ADGRG2: variants seen among roughly 807,000 people sequenced by gnomAD.
The protein encoded by ADGRG2 is adhesion G protein-coupled receptor G2.
A neutral mutation model predicts 74.1 loss-of-function variants in ADGRG2; 26 were observed. That is an observed-to-expected ratio of 0.35 (90% CI 0.26 to 0.49). The LOEUF (loss-of-function observed/expected upper bound fraction) is 0.49, where lower values mean the gene tolerates loss of function less well. Among genes scored for constraint, ADGRG2 ranks in the 20% least tolerant of loss-of-function variants. The pLI is 0.99. For synonymous variants in ADGRG2, 296 were observed against 295.2 expected (o/e 1.00, Z -0.03); for missense variants, 619 against 763.1 (o/e 0.81, Z 2.22).
chrX:18,998,938 C>T, intron 26 of ADGRG2, 58 bp downstream of exon 26: 1 of 976,014 alleles, frequency 1.0e-6, no homozygotes, highest in Non-Finnish European at 1.4e-6. Flanking sequence ...CTTTTAGTAG[C>T]TACATTTTTA....
intron 28 of ADGRG2, 64 bp from the exon 29 acceptor site, chrX:18,991,112 A>AACTT: frequency 3.4e-6 from 2 of 580,603 alleles, no homozygotes; most frequent in Non-Finnish European, 5.3e-6. Flanking sequence ...AAAGCAAACA[A>AACTT]ACTTAGACAT....
chrX:19,064,319 G>A (rs926148088), intron 3 of ADGRG2, among the ~76,000 whole-genome samples: 5 of 112,685 alleles, frequency 4.4e-5, no homozygotes, highest in African/African-American at 6.4e-5. Context: ...GCCCTATAGC[G>A]CTGACTCATA....
intron 3 of ADGRG2, among the ~76,000 whole-genome samples, chrX:19,047,948 T>C (rs2061228360): frequency 9.0e-6 from 1 of 111,707 alleles, no homozygotes. Context: ...TGATTAATAA[T>C]GACATCATTA....
chrX:19,023,030 T>C (rs2060626128), intron 13 of ADGRG2, among the ~76,000 whole-genome samples: 1 of 111,582 alleles, frequency 9.0e-6, no homozygotes, highest in Non-Finnish European at 1.9e-5. Context: ...ATCTTTTCCT[T>C]CCCCCTCTTT....
At chrX:19,050,573 CA>C (rs1463923488) in intron 3 of ADGRG2, among the ~76,000 whole-genome samples, 3 of 111,533 alleles carry the variant, frequency 2.7e-5, no homozygotes, top group Non-Finnish European at 5.6e-5. Context: ...CCTGGCTGCA[CA>C]TTAATATCAC....
At chrX:19,039,333 G>T (rs1334656168) in intron 4 of ADGRG2, 10 of 329,685 alleles carry the variant, frequency 3.0e-5, no homozygotes, top group Non-Finnish European at 5.9e-5. Context: ...ACGAGGAGAT[G>T]TCTGAAGGCT....
At chrX:19,098,554 T>C (rs1401193379) in intron 1 of ADGRG2, among the ~76,000 whole-genome samples, 7 of 108,745 alleles carry the variant, frequency 6.4e-5, no homozygotes, top group African/African-American at 2.3e-4. Context: ...TTTTGTAGGA[T>C]TTTTTTTTTA....
rs771272988 is a variant in ADGRG2, at chrX:19,010,091, G to A, written c.1266-309C>T. 9.2e-4 allele frequency among the ~76,000 whole-genome samples: 100 copies of A among 109,015 alleles called. 1 individual carries two copies. The highest frequency in any genetic ancestry group is 3.2e-3 in the African/African-American group (95 of 30,034). 94.7% of individuals were successfully genotyped at this position (109,015 alleles called of 115,157 possible). A position where few individuals can be genotyped will look rare whatever the true frequency, so the allele number is the denominator to read the frequency against. ...CCCAAAATGTTGGGATTACAGGCGT[G>A]AGCCATCGCGCCCAGCCTTGTTTTT... is the stretch of plus-strand genomic sequence containing the variant. On this transcript the variant is annotated intron_variant, in intron 17 of 28. Coordinates refer to ENST00000379869, the MANE Select transcript of ADGRG2 (RefSeq NM_001079858.3).
chrX:19,055,240 TTG>T (rs35438679), intron 3 of ADGRG2, among the ~76,000 whole-genome samples: 29,132 of 103,029 alleles, frequency 0.28, 3,269 homozygotes, highest in East Asian at 0.4. Context: ...GCAAATCCCT[TTG>T]TGTGTGTGTG....
intron 2 of ADGRG2, among the ~76,000 whole-genome samples, chrX:19,077,683 G>C (rs1412844164): frequency 7.2e-5 from 8 of 111,561 alleles, no homozygotes; most frequent in Non-Finnish European, 1.3e-4. Flanking sequence ...AAAGTAAAGA[G>C]ATGGAAAAGA....
At chrX:19,093,100 T>C (rs57418658) in intron 1 of ADGRG2, among the ~76,000 whole-genome samples, 1 of 112,021 alleles carries the variant, frequency 8.9e-6, no homozygotes, top group East Asian at 2.8e-4. Flanking sequence ...AGAGAAAACA[T>C]GACAATCCTT....
chrX:19,098,582 C>T (rs193168805), intron 1 of ADGRG2, among the ~76,000 whole-genome samples: 2 of 111,500 alleles, frequency 1.8e-5, no homozygotes, highest in East Asian at 5.6e-4. Context: ...AACAGCAAAA[C>T]AGAACCACAT....
chrX:19,057,993 T>C (rs755786153), intron 3 of ADGRG2, among the ~76,000 whole-genome samples: 3 of 112,073 alleles, frequency 2.7e-5, no homozygotes, highest in Non-Finnish European at 5.6e-5. Flanking sequence ...TTAAATAAAT[T>C]GTGCAAAAGC....
At chrX:19,026,051 C>A (rs2060694135) in intron 11 of ADGRG2, among the ~76,000 whole-genome samples, 1 of 111,811 alleles carries the variant, frequency 8.9e-6, no homozygotes, top group South Asian at 3.7e-4. Context: ...ATGAATAACA[C>A]CCCACCCCAC....
At chrX:19,024,811 T>A (rs760776707) in intron 11 of ADGRG2, among the ~76,000 whole-genome samples, 13 of 112,396 alleles carry the variant, frequency 1.2e-4, no homozygotes, top group Admixed American at 2.8e-4. Flanking sequence ...ACCATGGCAA[T>A]AGCTGCTAAC....
intron 1 of ADGRG2, among the ~76,000 whole-genome samples, chrX:19,119,548 A>C (rs1266167257): frequency 8.9e-6 from 1 of 111,780 alleles, no homozygotes; most frequent in Non-Finnish European, 1.9e-5. Flanking sequence ...ACATCACAGA[A>C]ACACCTCCCT....
chrX:19,111,648 TAAG>T (rs1291412429), intron 1 of ADGRG2, among the ~76,000 whole-genome samples: 4 of 111,467 alleles, frequency 3.6e-5, no homozygotes, highest in Non-Finnish European at 5.6e-5. Flanking sequence ...AGCATCCTTT[TAAG>T]AAGATCTTCT....
intron 1 of ADGRG2, among the ~76,000 whole-genome samples, chrX:19,093,802 C>T (rs7878299): frequency 0.045 from 4,934 of 110,701 alleles, 254 homozygotes; most frequent in African/African-American, 0.15. Context: ...CTAATGGGCA[C>T]GTGTGACTTA....
At chrX:19,000,373 C>G (rs1375350918) in intron 24 of ADGRG2, among the ~76,000 whole-genome samples, 2 of 111,768 alleles carry the variant, frequency 1.8e-5, no homozygotes, top group African/African-American at 3.3e-5. Flanking sequence ...GTAGCAGAGA[C>G]TGGCTAGCTG....
Sources: allele counts gnomAD v4.1 joint callset (sites outside exome capture counted in the v4.1 genomes callset), GRCh38; gene constraint gnomAD v4.1.1; transcripts MANE v1.5; gene names NCBI Gene and HGNC (gene_info 2026-07-23, HGNC 2026-07-21).